Variants in CLUL1 observed in about 807,000 individuals in gnomAD.
CLUL1 encodes the protein clusterin-like protein 1.
In CLUL1, 43 loss-of-function variants were observed where a neutral mutation model predicts 49.4. The observed-to-expected ratio is 0.87, with a 90% CI of 0.68 to 1.12. The LOEUF (loss-of-function observed/expected upper bound fraction) is 1.12. Ranked by LOEUF, CLUL1 falls within the 50% of genes most tolerant of loss-of-function variation. The pLI, the probability that CLUL1 is intolerant of heterozygous loss-of-function variation, is 0.00. For missense variants in CLUL1, 486 were observed against 544.4 expected (o/e 0.89, Z 1.07); for synonymous variants, 192 against 184.9 (o/e 1.04, Z -0.31).
At chr18:608,018 G>A (rs16947340) in intron 2 of CLUL1, among the ~76,000 whole-genome samples, 31,201 of 152,090 alleles carry the variant, frequency 0.21, 4,320 homozygotes, top group African/African-American at 0.39. Flanking sequence ...ACAGTGCAGA[G>A]GGATGAACTG....
At chr18:607,152 G>A in intron 2 of CLUL1, 53 bp downstream of exon 2, 1 of 700,428 alleles carries the variant, frequency 1.4e-6, no homozygotes, top group Non-Finnish European at 2.6e-6. Flanking sequence ...TTTAGAGACA[G>A]AGTCTAGCTC....
At chr18:610,862 C>A (rs897739963) in intron 2 of CLUL1, among the ~76,000 whole-genome samples, 9 of 152,008 alleles carry the variant, frequency 5.9e-5, no homozygotes, top group Admixed American at 2.6e-4. Context: ...CATGGTGAGA[C>A]CTTGCCTCTA....
intron 5 of CLUL1, among the ~76,000 whole-genome samples, chr18:625,605 A>G (rs920731827): frequency 1.3e-5 from 2 of 151,014 alleles, no homozygotes; most frequent in Admixed American, 6.6e-5. Flanking sequence ...TAGGACTGGC[A>G]TGTTTTCTTT....
At chr18:613,264 G>A (rs747451519) in intron 2 of CLUL1, 12 of 430,068 alleles carry the variant, frequency 2.8e-5, no homozygotes, top group South Asian at 1.2e-4. Context: ...TCAGCCTCTC[G>A]AGTGGCTGGG....
At chr18:605,051 GCAA>G (rs1247980189) in intron 1 of CLUL1, among the ~76,000 whole-genome samples, 1 of 152,176 alleles carries the variant, frequency 6.6e-6, no homozygotes, top group African/African-American at 2.4e-5. Context: ...TCTGCCTAAA[GCAA>G]GCTGGCTAAC....
chr18:621,281 A>G (rs560886), intron 4 of CLUL1, among the ~76,000 whole-genome samples: 151,448 of 152,300 alleles, frequency 0.99, 75,304 homozygotes, highest in Middle Eastern at 1. Flanking sequence ...ATTGCTGCTT[A>G]CATCTTTTTA....
chr18:641,466 G>A lies in CLUL1; in HGVS notation c.1134G>A (p.Met378Ile). ...LEDTAYLVEK[M>I]RGQFGWVSEL... ...ACACCGCCTATCTGGTGGAGAAGAT[G>A]AGAGGGCAATTTGGCTGGGTGTCTG... The change falls in exon 8 of 10, where the codon ATG becomes ATA. Residue 378 changes from methionine (M) to isoleucine (I), a missense_variant. By Grantham distance (10) the Met-to-Ile change is conservative. Coordinates refer to ENST00000692774, the MANE Select transcript of CLUL1 (RefSeq NM_001393344.1). 1 of 1,614,202 alleles carries A rather than the reference G, an allele frequency of 6.2e-7. No homozygotes were observed. Among genetic ancestry groups the A allele is most frequent in the Non-Finnish European group, 8.5e-7 (1 of 1,180,028 alleles).
In CLUL1 at chr18:618,058, T is replaced by G; in HGVS notation, c.58T>G (p.Cys20Gly). The change falls in exon 3 of 10, where the codon TGC (cysteine) becomes GGC (glycine). Residue 20 changes from cysteine to glycine, a missense_variant. Cys to Gly is a radical substitution (Grantham distance 159, BLOSUM62 -3). Transcript: ENST00000692774. The surrounding 1 kb of genome is among the most constrained non-coding windows in gnomAD (Gnocchi z 4.2). The part of the protein sequence containing the change: ...VCLLWLKDSH[C>G]APTWKDKTAI... ...TCTGCTGTGGTTGAAAGACAGTCAC[T>G]GCGCACCCACTTGGAAGGACAAAAC... 2 of 1,614,192 alleles carry G rather than the reference T, an allele frequency of 1.2e-6. No homozygotes were observed. Among genetic ancestry groups the G allele is most frequent in the East Asian group, 4.5e-5 (2 of 44,888 alleles).
At chr18:626,640 C>G (rs2073708429) in intron 5 of CLUL1, among the ~76,000 whole-genome samples, 1 of 151,266 alleles carries the variant, frequency 6.6e-6, no homozygotes, top group African/African-American at 2.4e-5. Flanking sequence ...ATGTGGATTA[C>G]CTGAGCTCAG....
chr18:610,893 T>C (rs1450940782), intron 2 of CLUL1, among the ~76,000 whole-genome samples: 1 of 151,824 alleles, frequency 6.6e-6, no homozygotes, highest in African/African-American at 2.4e-5. Flanking sequence ...AATTAAACAT[T>C]AAAAAAAGAG....
chr18:649,873 T>G (rs1567982278), intron 9 of CLUL1, 25 bp from the exon 10 acceptor site: 2 of 1,350,166 alleles, frequency 1.5e-6, no homozygotes, highest in Non-Finnish European at 2.1e-6. Flanking sequence ...TTTTGATCAT[T>G]GCTGCCTTTT....
At chr18:633,539 T>A in intron 7 of CLUL1, 104 bp downstream of exon 7, 2 of 1,040,394 alleles carry the variant, frequency 1.9e-6, no homozygotes, top group Non-Finnish European at 2.8e-6. Flanking sequence ...ATATAAAATT[T>A]TCTTTTTAAT....
intron 6 of CLUL1, 44 bp downstream of exon 6, chr18:627,573 G>C: frequency 7.2e-7 from 1 of 1,391,292 alleles, no homozygotes; most frequent in Non-Finnish European, 9.8e-7. Context: ...TTACACTAAA[G>C]TCAAGTTTTG....
Position 619,270 on chromosome 18 carries a change from G to A in CLUL1, c.164G>A (p.Gly55Asp), listed in dbSNP as rs1436363975. 1 of 1,613,834 alleles carries A rather than the reference G, an allele frequency of 6.2e-7. No homozygotes were observed. The highest frequency in any genetic ancestry group is 8.5e-7 in the Non-Finnish European group (1 of 1,179,916). ...ADEEVKKALTGIKQMKIMMER... is the reference protein window; with the variant it reads ...ADEEVKKALTDIKQMKIMMER... ...GAAGAGGTGAAGAAGGCTTTGACTG[G>A]TATTAAGCAAATGAAAATCATGATG... Residue 55 changes from glycine to aspartate, a missense_variant, in exon 4 of 10, where the codon GGT becomes GAT. Transcript: ENST00000692774.
chr18:608,856 T>C (rs867793731), intron 2 of CLUL1, among the ~76,000 whole-genome samples: 1 of 152,242 alleles, frequency 6.6e-6, no homozygotes, highest in Non-Finnish European at 1.5e-5. Context: ...TGTTGATCTA[T>C]TTATAAGACA....
chr18:607,420 C>T (rs947006927), intron 2 of CLUL1, among the ~76,000 whole-genome samples: 6 of 151,874 alleles, frequency 4.0e-5, no homozygotes, highest in Non-Finnish European at 5.9e-5. Flanking sequence ...TGAGCCACTA[C>T]GCCCAGCCTA....
In CLUL1 at chr18:607,008, G is replaced by T. The variant is rs143090300; in HGVS notation, c.-105G>T. 141 of 678,722 alleles carry T rather than the reference G, an allele frequency of 2.1e-4. 1 individual carries two copies. In the East Asian group the frequency reaches 2.9e-3, roughly 14 times the overall value. The allele number at this position is 678,722 out of a possible 1,614,324, so 42.0% of individuals were successfully genotyped here. On this transcript the variant is annotated 5_prime_UTR_variant, in exon 2 of 10. Coordinates refer to ENST00000692774, the MANE Select transcript of CLUL1 (RefSeq NM_001393344.1). ...CGTCCCTCTCGGTTGCCAGGCTGGAGTTCAGTGGCATGTTCATAGCTCACT... is the reference window on the plus strand; with the variant it reads ...CGTCCCTCTCGGTTGCCAGGCTGGATTTCAGTGGCATGTTCATAGCTCACT...
intron 4 of CLUL1, among the ~76,000 whole-genome samples, chr18:623,816 A>G (rs927930567): frequency 1.3e-5 from 2 of 152,204 alleles, no homozygotes; most frequent in African/African-American, 4.8e-5. Context: ...GCCAAACTTT[A>G]CAATGAGGAC....
chr18:644,850 T>C (rs1403889193), intron 8 of CLUL1, 60 bp from the exon 9 acceptor site: 5 of 1,331,302 alleles, frequency 3.8e-6, no homozygotes, highest in Non-Finnish European at 5.2e-6. Flanking sequence ...TGGTATTAAA[T>C]TACTATTGAA....
Sources: allele counts gnomAD v4.1 joint callset (sites outside exome capture counted in the v4.1 genomes callset), GRCh38; gene constraint gnomAD v4.1.1; non-coding constraint Gnocchi (gnomAD v3.1); transcripts MANE v1.5; gene names NCBI Gene and HGNC (gene_info 2026-07-23, HGNC 2026-07-21).